The following GALNTL6 variants were observed in gnomAD, a reference collection of about 807,000 sequenced individuals.
GALNTL6 encodes the protein polypeptide N-acetylgalactosaminyltransferase-like 6.
A neutral mutation model predicts 73.7 loss-of-function variants in GALNTL6; 46 were observed. The ratio of observed to expected loss-of-function variants is 0.62; its 90% confidence interval spans 0.49 to 0.80. The LOEUF (loss-of-function observed/expected upper bound fraction) is 0.80. Ranked by LOEUF, GALNTL6 falls within the 30% of genes least tolerant of loss-of-function variation. The probability of loss-of-function intolerance (pLI) is 0.00; values close to 1 mark genes in which losing one functional copy is unlikely to be tolerated. For missense variants in GALNTL6, 604 were observed against 755.0 expected (o/e 0.80, Z 2.34); for synonymous variants, 259 against 263.7 (o/e 0.98, Z 0.17).
chr4:172,023,553 C>T (rs1036079601), intron 2 of GALNTL6, among the ~76,000 whole-genome samples: 3 of 151,798 alleles, frequency 2.0e-5, no homozygotes, highest in African/African-American at 7.2e-5. Flanking sequence ...TATTTCAACT[C>T]TTTCATGCTT....
intron 5 of GALNTL6, among the ~76,000 whole-genome samples, chr4:172,516,923 C>G (rs1041785200): frequency 6.6e-6 from 1 of 152,042 alleles, no homozygotes; most frequent in Non-Finnish European, 1.5e-5. Context: ...TGAAATAAAC[C>G]AGCCACAAAA....
intron 5 of GALNTL6, among the ~76,000 whole-genome samples, chr4:172,573,671 G>T (rs1382936484): frequency 6.6e-6 from 1 of 152,158 alleles, no homozygotes. Context: ...ATAAAGAGGT[G>T]CATGAAGCCC....
At chr4:172,005,411 G>C (rs1022068498) in intron 2 of GALNTL6, among the ~76,000 whole-genome samples, 1 of 152,144 alleles carries the variant, frequency 6.6e-6, no homozygotes, top group Non-Finnish European at 1.5e-5. Context: ...ACAGGCATGA[G>C]CCACTGCCCC....
intron 5 of GALNTL6, among the ~76,000 whole-genome samples, chr4:172,445,425 C>T (rs1264662713): frequency 6.6e-6 from 1 of 152,090 alleles, no homozygotes; most frequent in Non-Finnish European, 1.5e-5. Flanking sequence ...TCATGTTTTG[C>T]GCTTCCCAAA....
intron 11 of GALNTL6, among the ~76,000 whole-genome samples, chr4:173,017,602 G>A (rs982757807): frequency 1.1e-4 from 17 of 152,146 alleles, no homozygotes; most frequent in African/African-American, 3.6e-4. Context: ...TGAGCTAATC[G>A]TAGGTGTAGA....
intron 2 of GALNTL6, among the ~76,000 whole-genome samples, chr4:172,030,239 T>A (rs2110818580): frequency 6.6e-6 from 1 of 152,244 alleles, no homozygotes; most frequent in Non-Finnish European, 1.5e-5. Flanking sequence ...ATATTTCACC[T>A]ATCTAATCTA....
Position 172,931,260 on chromosome 4 carries a change from C to G in GALNTL6, c.1141C>G (p.Leu381Val). The G allele has an allele frequency of 6.3e-7, 1 of 1,585,892 alleles. No homozygotes were observed. The highest frequency in any genetic ancestry group is 8.7e-7 in the Non-Finnish European group (1 of 1,154,186). The change falls in exon 9 of 13, where the codon CTG becomes GTG. Residue 381 changes from leucine (L) to valine (V), a missense_variant. By Grantham distance (32) the Leu-to-Val change is conservative. This residue lies in a region of GALNTL6 where 261 missense variants were observed against 296.5 expected (regional missense o/e 0.88). Coordinates refer to ENST00000506823, the MANE Select transcript of GALNTL6 (RefSeq NM_001034845.3). The stretch of plus-strand genomic sequence containing the variant: ...ATACAAAGTTCCATCTGGGACAAGC[C>G]TGGCAAGAGTGAGTAACTCAGCATC... ...VPYKVPSGTS[L>V]ARNLKRVAET...
chr4:171,823,141 G>A (rs954470607), intron 2 of GALNTL6, among the ~76,000 whole-genome samples: 1 of 152,066 alleles, frequency 6.6e-6, no homozygotes, highest in African/African-American at 2.4e-5. Context: ...GTATTCTCTT[G>A]ATTATAGTTA....
At chr4:172,301,192 T>A (rs921700905) in intron 3 of GALNTL6, among the ~76,000 whole-genome samples, 1 of 152,218 alleles carries the variant, frequency 6.6e-6, no homozygotes, top group Non-Finnish European at 1.5e-5. Context: ...GTCACGTAGT[T>A]CTTGTGGCAT....
intron 2 of GALNTL6, among the ~76,000 whole-genome samples, chr4:172,012,732 C>T (rs1741055384): frequency 7.5e-6 from 1 of 134,048 alleles, no homozygotes; most frequent in Non-Finnish European, 1.6e-5. Flanking sequence ...CTATAATCTC[C>T]TCACATCATT....
At chr4:172,354,701 T>C (rs1742091129) in intron 5 of GALNTL6, among the ~76,000 whole-genome samples, 1 of 152,144 alleles carries the variant, frequency 6.6e-6, no homozygotes, top group Non-Finnish European at 1.5e-5. Context: ...TACCCACCAG[T>C]AGCAGAATAT....
intron 3 of GALNTL6, among the ~76,000 whole-genome samples, chr4:172,298,982 G>T (rs918294783): frequency 1.3e-4 from 20 of 152,300 alleles, no homozygotes; most frequent in African/African-American, 4.6e-4. Flanking sequence ...ATTTGGCTGT[G>T]AATCCATCTG....
intron 7 of GALNTL6, among the ~76,000 whole-genome samples, chr4:172,858,894 T>C (rs1744249091): frequency 6.6e-6 from 1 of 151,098 alleles, no homozygotes. Context: ...TTAGAAAAAC[T>C]ATACCCACAA....
At chr4:171,954,637 G>C (rs1738988715) in intron 2 of GALNTL6, among the ~76,000 whole-genome samples, 1 of 152,124 alleles carries the variant, frequency 6.6e-6, no homozygotes, top group South Asian at 2.1e-4. Context: ...AATAAGTATT[G>C]GGAAATTAGA....
intron 2 of GALNTL6, among the ~76,000 whole-genome samples, chr4:172,139,062 A>G (rs999712119): frequency 1.3e-5 from 2 of 152,188 alleles, no homozygotes; most frequent in Admixed American, 6.5e-5. Context: ...GACAAAAGGA[A>G]CAGAAAAATT....
chr4:172,216,488 C>T (rs2110938225), intron 2 of GALNTL6, among the ~76,000 whole-genome samples: 1 of 152,126 alleles, frequency 6.6e-6, no homozygotes, highest in Middle Eastern at 3.4e-3. Flanking sequence ...TCGAGATTTT[C>T]TCCTTGTCTT....
At chr4:171,934,861 T>C (rs912252683) in intron 2 of GALNTL6, among the ~76,000 whole-genome samples, 1 of 152,196 alleles carries the variant, frequency 6.6e-6, no homozygotes, top group Non-Finnish European at 1.5e-5. Context: ...ATCTGCTTGG[T>C]GGAAACTGTG....
chr4:172,618,592 A>G (rs1280727671), intron 5 of GALNTL6, among the ~76,000 whole-genome samples: 1 of 152,170 alleles, frequency 6.6e-6, no homozygotes, highest in East Asian at 1.9e-4. Flanking sequence ...ACTTAACACA[A>G]TCAGATATAA....
At chr4:172,439,082 CATT>C (rs1408661896) in intron 5 of GALNTL6, among the ~76,000 whole-genome samples, 1 of 151,720 alleles carries the variant, frequency 6.6e-6, no homozygotes, top group African/African-American at 2.4e-5. Flanking sequence ...TCATTTCTAT[CATT>C]ATACTAACAT....
Sources: gnomAD v4.1 joint callset for allele counts (sites outside exome capture counted in the v4.1 genomes callset) on GRCh38, gnomAD v4.1.1 for gene constraint, gnomAD v4.1.1 regional missense constraint, MANE v1.5 for transcripts, NCBI Gene and HGNC (gene_info 2026-07-23, HGNC 2026-07-21) for gene names.